Variants in GRIK4 observed in about 807,000 individuals in gnomAD.
GRIK4 encodes the protein glutamate ionotropic receptor kainate type subunit 4.
A neutral mutation model predicts 104.9 loss-of-function variants in GRIK4; 40 were observed. The ratio of observed to expected loss-of-function variants is 0.38; its 90% CI spans 0.30 to 0.50. The LOEUF (loss-of-function observed/expected upper bound fraction) is 0.50. GRIK4 is among the 20% of genes least tolerant of loss of function. The probability of loss-of-function intolerance (pLI) is 0.93; values close to 1 mark genes in which losing one functional copy is unlikely to be tolerated. For synonymous variants in GRIK4, 485 were observed against 524.9 expected (o/e 0.92, Z 1.04); for missense variants, 1,047 against 1,308.1 (o/e 0.80, Z 3.08).
At chr11:120,601,960 TGAC>T (rs1471618466) in intron 1 of GRIK4, among the ~76,000 whole-genome samples, 1 of 152,106 alleles carries the variant, frequency 6.6e-6, no homozygotes, top group African/African-American at 2.4e-5. Flanking sequence ...AGGCTATCAG[TGAC>T]CCCTGACTCC....
intron 1 of GRIK4, among the ~76,000 whole-genome samples, chr11:120,607,024 G>A (rs956772136): frequency 2.0e-5 from 3 of 152,204 alleles, no homozygotes; most frequent in African/African-American, 4.8e-5. Context: ...TGGAATTTGG[G>A]TGGTCTCCTG....
chr11:120,890,509 A>G (rs964110000), intron 11 of GRIK4, among the ~76,000 whole-genome samples: 1 of 152,204 alleles, frequency 6.6e-6, no homozygotes, highest in Non-Finnish European at 1.5e-5. Flanking sequence ...GGTCAAGACA[A>G]GATACACCTG....
intron 2 of GRIK4, among the ~76,000 whole-genome samples, chr11:120,654,240 G>A (rs1477991966): frequency 6.6e-6 from 1 of 152,174 alleles, no homozygotes; most frequent in Non-Finnish European, 1.5e-5. Flanking sequence ...TGTTTTTGTT[G>A]CGTGAGCTTG....
At chr11:120,818,105 G>A (rs1028502007) in intron 5 of GRIK4, among the ~76,000 whole-genome samples, 2 of 152,200 alleles carry the variant, frequency 1.3e-5, no homozygotes, top group African/African-American at 2.4e-5. Context: ...ACCTTCCTGA[G>A]TCCTTCCCAT....
chr11:120,523,904 A>G (rs1292133978), intron 1 of GRIK4, among the ~76,000 whole-genome samples: 2 of 149,240 alleles, frequency 1.3e-5, no homozygotes, highest in South Asian at 2.1e-4. Flanking sequence ...TCCATTGCAC[A>G]GGGACTGTTT....
chr11:120,550,449 C>A (rs1422482847), intron 1 of GRIK4, among the ~76,000 whole-genome samples: 1 of 151,854 alleles, frequency 6.6e-6, no homozygotes, highest in Non-Finnish European at 1.5e-5. Flanking sequence ...ATCAGTCTCT[C>A]GGCAGGGTGA....
chr11:120,974,884 CACTT>C (rs1469816915), intron 19 of GRIK4, among the ~76,000 whole-genome samples: 2 of 152,210 alleles, frequency 1.3e-5, no homozygotes, highest in Non-Finnish European at 2.9e-5. Context: ...TTTCAAAAAA[CACTT>C]ATTTATTTAT....
chr11:120,635,418 A>G (rs1369262363), intron 1 of GRIK4, among the ~76,000 whole-genome samples: 1 of 152,214 alleles, frequency 6.6e-6, no homozygotes, highest in Non-Finnish European at 1.5e-5. Context: ...CCTTCCTGAC[A>G]TTCAGGGAGC....
In GRIK4 at chr11:120,832,030, G is replaced by A. The variant is rs1199771818; in HGVS notation, c.690G>A (p.Lys230=). Residue 230 remains lysine (K), a splice_region_variant and synonymous_variant, in exon 7 of 21, where the codon AAG becomes AAA. Coordinates refer to ENST00000527524, the MANE Select transcript of GRIK4 (RefSeq NM_014619.5). ...CCATGTCCCACACCATCCTCCTGAA[G>A]GTGGGAGCCTCCCTCTCTCCCCCAC... ...NASMSHTILL[K]AAELGMVSAY... 2 of 1,603,952 alleles carry A rather than the reference G, an allele frequency of 1.2e-6. No homozygotes were observed. The highest frequency in any genetic ancestry group is 2.2e-5 in the East Asian group (1 of 44,598).
intron 1 of GRIK4, among the ~76,000 whole-genome samples, chr11:120,539,629 G>A (rs1188067228): frequency 1.3e-5 from 2 of 152,124 alleles, no homozygotes; most frequent in African/African-American, 4.8e-5. Flanking sequence ...AATTTGAATG[G>A]CCATCAGCAA....
chr11:120,873,320 G>C (rs1267617726), intron 9 of GRIK4: 1 of 152,412 alleles, frequency 6.6e-6, no homozygotes, highest in Non-Finnish European at 1.5e-5. Flanking sequence ...CCATCCTTCA[G>C]TGCTCAGTTC....
intron 14 of GRIK4, among the ~76,000 whole-genome samples, chr11:120,947,356 T>A (rs1171251059): frequency 2.0e-5 from 3 of 150,288 alleles, no homozygotes; most frequent in Non-Finnish European, 4.4e-5. Flanking sequence ...GAGCCGAGAT[T>A]GCAACATTGC....
intron 3 of GRIK4, among the ~76,000 whole-genome samples, chr11:120,671,530 TG>T (rs1950016779): frequency 2.0e-5 from 3 of 152,254 alleles, no homozygotes; most frequent in African/African-American, 7.2e-5. Context: ...TGTCTTCTTT[TG>T]CAATATGTCT....
At chr11:120,702,158 G>A (rs1455389219) in intron 3 of GRIK4, among the ~76,000 whole-genome samples, 1 of 152,156 alleles carries the variant, frequency 6.6e-6, no homozygotes, top group African/African-American at 2.4e-5. Context: ...GTTTCACCAT[G>A]TTGGCCAGGA....
chr11:120,725,317 T>C (rs1009526138), intron 3 of GRIK4, among the ~76,000 whole-genome samples: 4 of 152,186 alleles, frequency 2.6e-5, no homozygotes, highest in Admixed American at 2.6e-4. Context: ...CAGAACTTGC[T>C]ATGGCCCAGG....
intron 13 of GRIK4, among the ~76,000 whole-genome samples, chr11:120,910,623 C>G (rs573764586): frequency 1.3e-5 from 2 of 152,320 alleles, no homozygotes; most frequent in Admixed American, 6.5e-5. Context: ...TGCCCCAGGA[C>G]TAATCCCAGG....
intron 1 of GRIK4, among the ~76,000 whole-genome samples, chr11:120,551,902 C>T (rs995376943): frequency 6.6e-6 from 1 of 152,194 alleles, no homozygotes; most frequent in South Asian, 2.1e-4. Context: ...TAGCTGAACA[C>T]GTGGCGGTTC....
At chr11:120,587,917 G>C (rs1015744475) in intron 1 of GRIK4, among the ~76,000 whole-genome samples, 1 of 152,198 alleles carries the variant, frequency 6.6e-6, no homozygotes, top group African/African-American at 2.4e-5. Context: ...GCATTATTAA[G>C]AGATCTTTCT....
At chr11:120,730,237 A>G (rs534826719) in intron 3 of GRIK4, among the ~76,000 whole-genome samples, 111 of 152,144 alleles carry the variant, frequency 7.3e-4, no homozygotes, top group Non-Finnish European at 1.2e-3. Flanking sequence ...GTCTACCTGT[A>G]GTCACAGCTA....
Sources: allele counts gnomAD v4.1 joint callset (sites outside exome capture counted in the v4.1 genomes callset), GRCh38; gene constraint gnomAD v4.1.1; transcripts MANE v1.5; gene names NCBI Gene and HGNC (gene_info 2026-07-23, HGNC 2026-07-21).